The following WDFY4 variants were observed in gnomAD, a reference collection of about 807,000 sequenced individuals.
WDFY4 encodes the protein WDFY family member 4.
Under a neutral mutation model 351.9 loss-of-function variants are expected in WDFY4, and 169 were observed. The ratio of observed to expected loss-of-function variants is 0.48; its 90% CI spans 0.42 to 0.55. The LOEUF (loss-of-function observed/expected upper bound fraction) is 0.55. Among genes scored for constraint, WDFY4 ranks in the 20% least tolerant of loss-of-function variants. WDFY4 has a pLI of 0.00. For synonymous variants in WDFY4, 1,622 were observed against 1,574.6 expected (o/e 1.03, Z -0.71); for missense variants, 3,803 against 3,935.6 (o/e 0.97, Z 0.90).
chr10:48,718,052 G>A (rs777991305), intron 2 of WDFY4, among the ~76,000 whole-genome samples: 3 of 152,144 alleles, frequency 2.0e-5, no homozygotes, highest in South Asian at 2.1e-4. Flanking sequence ...ATTCTCCTAC[G>A]TTTGGTATTG....
At chr10:48,779,332 G>T (rs901153920) in intron 18 of WDFY4, among the ~76,000 whole-genome samples, 2 of 152,226 alleles carry the variant, frequency 1.3e-5, no homozygotes, top group Non-Finnish European at 2.9e-5. Flanking sequence ...AGTGCTAGAG[G>T]CCAGCCCTGG....
rs112569367 is a variant in WDFY4 at position 48,928,735 on chromosome 10, C to T, written c.7587-13071C>T. On this transcript the variant is annotated intron_variant, in intron 47 of 61. Coordinates refer to ENST00000325239, the MANE Select transcript of WDFY4 (RefSeq NM_001394531.1). Reference sequence around the variant, plus strand: ...GTCCACTGGAGCACCCCATCTGCCGCAGGACAGCTCGCAGCCCTGTGGCAG... The same window carrying T: ...GTCCACTGGAGCACCCCATCTGCCGTAGGACAGCTCGCAGCCCTGTGGCAG... Among the ~76,000 whole-genome samples, 1,315 of 152,310 alleles carry T rather than the reference C, an allele frequency of 8.6e-3. 21 individuals carry two copies. The highest frequency in any genetic ancestry group is 0.03 in the African/African-American group (1,242 of 41,562).
intron 57 of WDFY4, among the ~76,000 whole-genome samples, chr10:48,972,883 A>C (rs532994927): frequency 6.6e-6 from 1 of 152,386 alleles, no homozygotes; most frequent in South Asian, 2.1e-4. Context: ...TAGGTATAAA[A>C]TGATATAATG....
chr10:48,957,779 G>C (rs1404732887), intron 52 of WDFY4, among the ~76,000 whole-genome samples: 1 of 152,206 alleles, frequency 6.6e-6, no homozygotes, highest in African/African-American at 2.4e-5. Flanking sequence ...GCTCCTTCCT[G>C]AACTGCAGGC....
intron 28 of WDFY4, among the ~76,000 whole-genome samples, chr10:48,809,447 A>T (rs912178317): frequency 6.6e-6 from 1 of 151,948 alleles, no homozygotes; most frequent in African/African-American, 2.4e-5. Flanking sequence ...CACCACCACC[A>T]CCATCAGCAT....
chr10:48,751,870 T>C (rs1171297378), intron 12 of WDFY4, among the ~76,000 whole-genome samples: 1 of 152,146 alleles, frequency 6.6e-6, no homozygotes, highest in East Asian at 1.9e-4. Context: ...ATAGCCAAGC[T>C]CAGGGGCTGT....
At chr10:48,727,963 G>A (rs192696515) in intron 7 of WDFY4, among the ~76,000 whole-genome samples, 41 of 152,302 alleles carry the variant, frequency 2.7e-4, no homozygotes, top group Admixed American at 5.2e-4. Flanking sequence ...GCTGTAAGCT[G>A]CCCTGCCTGT....
chr10:48,790,580 C>T, intron 22 of WDFY4, 147 bp from the exon 23 acceptor site: 1 of 874,268 alleles, frequency 1.1e-6, no homozygotes, highest in Non-Finnish European at 1.7e-6. Context: ...CTGCTCTTCC[C>T]CCCAGCCTGT....
chr10:48,857,484 G>A (rs1394776854), intron 39 of WDFY4, among the ~76,000 whole-genome samples: 3 of 150,722 alleles, frequency 2.0e-5, no homozygotes, highest in African/African-American at 4.9e-5. Flanking sequence ...TTCAACACGG[G>A]AAAAAAAAGG....
At chr10:48,956,981 A>C in intron 51 of WDFY4, 148 bp from the exon 52 acceptor site, 1 of 1,084,260 alleles carries the variant, frequency 9.2e-7, no homozygotes, top group Non-Finnish European at 1.3e-6. Flanking sequence ...CGGCACACAC[A>C]TCTGGGCTGA....
intron 1 of WDFY4, among the ~76,000 whole-genome samples, chr10:48,694,494 C>A (rs540053361): frequency 6.6e-6 from 1 of 152,202 alleles, no homozygotes; most frequent in East Asian, 1.9e-4. Flanking sequence ...TGTATTAGAG[C>A]ATCCCTTTAC....
chr10:48,881,102 C>G (rs563707298), intron 43 of WDFY4, among the ~76,000 whole-genome samples: 1 of 152,356 alleles, frequency 6.6e-6, no homozygotes, highest in Non-Finnish European at 1.5e-5. Context: ...GGGGCTGTGT[C>G]TCTGTCTGAG....
chr10:48,895,455 C>T (rs1439150858), intron 44 of WDFY4, among the ~76,000 whole-genome samples: 2 of 152,210 alleles, frequency 1.3e-5, no homozygotes, highest in African/African-American at 4.8e-5. Flanking sequence ...GCTCTCTGGG[C>T]CTGTGGTTGG....
At chr10:48,950,076 T>A (rs1841247405) in intron 51 of WDFY4, among the ~76,000 whole-genome samples, 1 of 152,154 alleles carries the variant, frequency 6.6e-6, no homozygotes, top group Non-Finnish European at 1.5e-5. Flanking sequence ...TTTAACCATT[T>A]TTAAGGGCAC....
chr10:48,735,052 A>G (rs905160743), intron 10 of WDFY4, among the ~76,000 whole-genome samples: 8 of 150,174 alleles, frequency 5.3e-5, no homozygotes, highest in South Asian at 2.1e-4. Flanking sequence ...CAGTCTCCCA[A>G]TGTGCTAGGA....
chr10:48,742,043 C>T (rs2064867526), intron 11 of WDFY4, among the ~76,000 whole-genome samples: 2 of 152,054 alleles, frequency 1.3e-5, no homozygotes, highest in African/African-American at 2.4e-5. Flanking sequence ...ATGTAGCCCC[C>T]CCTCCCTCTC....
At chr10:48,801,570 G>A (rs954188809) in intron 24 of WDFY4, 2 of 454,104 alleles carry the variant, frequency 4.4e-6, no homozygotes, top group Admixed American at 2.4e-5. Context: ...ATCAATACCA[G>A]CTGTCCCAAA....
chr10:48,800,133 C>T (rs2067014641), intron 24 of WDFY4, among the ~76,000 whole-genome samples: 1 of 152,222 alleles, frequency 6.6e-6, no homozygotes, highest in African/African-American at 2.4e-5. Context: ...ATCCGCCCAC[C>T]TTGGCCTTCC....
At chr10:48,787,854 CTTCTTTCTTCTTCTTTCTTCTTTCTT>C (rs2066469972) in intron 20 of WDFY4, among the ~76,000 whole-genome samples, 1 of 128,422 alleles carries the variant, frequency 7.8e-6, no homozygotes, top group African/African-American at 3.5e-5. Context: ...TCTTCTTCTT[CTTCTTTCTTCTTCTTTCTTCTTTCTT>C]TCTTCTTCTT....
Sources: gnomAD v4.1 joint callset for allele counts (sites outside exome capture counted in the v4.1 genomes callset) on GRCh38, gnomAD v4.1.1 for gene constraint, MANE v1.5 for transcripts, NCBI Gene and HGNC (gene_info 2026-07-23, HGNC 2026-07-21) for gene names.